Variants in ARAP2 observed in about 807,000 individuals in gnomAD.
ARAP2 encodes the protein arf-GAP with Rho-GAP domain, ANK repeat and PH domain-containing protein 2.
Under a neutral mutation model 194.5 loss-of-function variants are expected in ARAP2, and 148 were observed. That is an observed-to-expected ratio of 0.76 (90% confidence interval 0.67 to 0.87). The LOEUF (loss-of-function observed/expected upper bound fraction) is 0.87, where lower values mean the gene tolerates loss of function less well. ARAP2 is among the 40% of genes least tolerant of loss of function. ARAP2 has a pLI of 0.00. For synonymous variants in ARAP2, 695 were observed against 683.5 expected, an observed-to-expected ratio of 1.02 and a Z score of -0.26; for missense variants, 2,128 against 1,989.7, an observed-to-expected ratio of 1.07 and a Z score of -1.32.
chr4:36,160,085 A>G, intron 13 of ARAP2: 1 of 991,084 alleles, frequency 1.0e-6, no homozygotes, highest in Non-Finnish European at 1.2e-6. Flanking sequence ...AACAATAGGA[A>G]CTGTTAGAAT....
intron 20 of ARAP2, among the ~76,000 whole-genome samples, chr4:36,130,680 A>C (rs896937239): frequency 9.9e-5 from 15 of 151,872 alleles, no homozygotes; most frequent in Non-Finnish European, 1.9e-4. Flanking sequence ...TCTCTTATTC[A>C]TAAATCTGTA....
intron 19 of ARAP2, among the ~76,000 whole-genome samples, chr4:36,143,178 C>T (rs1236532020): frequency 2.6e-5 from 4 of 151,734 alleles, no homozygotes; most frequent in Non-Finnish European, 5.9e-5. Flanking sequence ...GGGTTCATAA[C>T]CTCACATTCT....
intron 12 of ARAP2, among the ~76,000 whole-genome samples, chr4:36,161,146 A>AACACACACACAC (rs36207295): frequency 1.9e-3 from 277 of 147,968 alleles, no homozygotes; most frequent in Non-Finnish European, 3.1e-3. Flanking sequence ...CACACACACA[A>AACACACACACAC]ACACACACAC....
intron 9 of ARAP2, chr4:36,012,449 A>G (rs1702987007): frequency 6.6e-6 from 1 of 152,190 alleles, no homozygotes; most frequent in Admixed American, 6.6e-5. Context: ...TGCTTTATCA[A>G]TATGTATGTA....
chr4:36,028,224 T>C (rs1210312426), intron 5 of ARAP2, among the ~76,000 whole-genome samples: 1 of 152,166 alleles, frequency 6.6e-6, no homozygotes, highest in East Asian at 1.9e-4. Context: ...AGAAAGAAGA[T>C]TTCCTTTTTG....
intron 6 of ARAP2, chr4:36,209,361 C>T (rs950510778): frequency 4.4e-6 from 2 of 451,608 alleles, no homozygotes; most frequent in African/African-American, 4.0e-5. Context: ...AGAAGTGACA[C>T]ACATAGCTGA....
chr4:36,201,050 A>G (rs979760803), intron 6 of ARAP2, among the ~76,000 whole-genome samples: 1 of 152,256 alleles, frequency 6.6e-6, no homozygotes. Context: ...CAATCAATAA[A>G]GAAGTTATTT....
chr4:36,038,801 A>G (rs1355694908), intron 5 of ARAP2, among the ~76,000 whole-genome samples: 1 of 152,200 alleles, frequency 6.6e-6, no homozygotes, highest in Non-Finnish European at 1.5e-5. Flanking sequence ...GAATTTGTTC[A>G]AAGAAATAAA....
At chr4:36,061,954 G>A (rs1724512137), downstream of ARAP2, among the ~76,000 whole-genome samples, 1 of 152,144 alleles carries the variant, frequency 6.6e-6, no homozygotes, top group Non-Finnish European at 1.5e-5. Flanking sequence ...CTTCTTTTAA[G>A]AAGGGTATAT....
chr4:36,077,272 C>T (rs114755313), intron 31 of ARAP2, among the ~76,000 whole-genome samples: 308 of 152,142 alleles, frequency 2.0e-3, no homozygotes, highest in African/African-American at 6.7e-3. Context: ...ACTATGTAAA[C>T]GCCATATCTG....
intron 19 of ARAP2, among the ~76,000 whole-genome samples, chr4:36,136,915 CACAT>C (rs951809277): frequency 3.1e-5 from 3 of 97,630 alleles, no homozygotes; most frequent in Non-Finnish European, 5.8e-5. Flanking sequence ...AATGGACACA[CACAT>C]ACACGCGCGC....
Position 36,228,993 on chromosome 4 carries a change from G to T in ARAP2, c.494C>A (p.Ser165Tyr), listed in dbSNP as rs1028691433. ...TAEEPHLNLG[S>Y]LNDSLFGSDN... ...ACTACCAAATAAAGAATCATTCAAAGAACCCAAATTCAGGTGTGGTTCCTC... is the reference window on the plus strand; with the variant it reads ...ACTACCAAATAAAGAATCATTCAAATAACCCAAATTCAGGTGTGGTTCCTC... Residue 165 changes from serine to tyrosine, a missense_variant, in exon 2 of 33, where the codon TCT becomes TAT. Coordinates refer to ENST00000303965, the MANE Select transcript of ARAP2 (RefSeq NM_015230.4). The T allele has an allele frequency of 4.3e-6, 7 of 1,613,934 alleles. No individual in the cohort carries two copies. Among genetic ancestry groups the T allele is most frequent in the South Asian group, 3.3e-5 (3 of 91,076 alleles).
At chr4:36,125,402 T>C (rs1723646643) in intron 21 of ARAP2, among the ~76,000 whole-genome samples, 1 of 152,060 alleles carries the variant, frequency 6.6e-6, no homozygotes, top group African/African-American at 2.4e-5. Context: ...ATGACATTTC[T>C]GATTTTTATT....
intron 1 of ARAP2, among the ~76,000 whole-genome samples, chr4:36,238,850 T>C (rs905669386): frequency 2.6e-5 from 4 of 152,182 alleles, no homozygotes; most frequent in African/African-American, 9.7e-5. Context: ...ACAATTGATA[T>C]AATGCAACAA....
downstream of ARAP2, among the ~76,000 whole-genome samples, chr4:36,062,423 T>C (rs144183861): frequency 6.3e-3 from 964 of 152,100 alleles, 11 homozygotes; most frequent in African/African-American, 0.022. Flanking sequence ...AGTTATTAGG[T>C]TGGTGTCCTT....
intron 20 of ARAP2, among the ~76,000 whole-genome samples, chr4:36,131,212 C>T (rs936432298): frequency 2.0e-5 from 3 of 151,498 alleles, no homozygotes; most frequent in African/African-American, 7.3e-5. Flanking sequence ...GTTTCCCCAA[C>T]GTTCTGAATA....
chr4:36,098,881 CTTTT>C lies in ARAP2; in HGVS notation c.4286-6865_4286-6862del, dbSNP rs368241535. On this transcript the variant is annotated intron_variant, in intron 27 of 32. Transcript: ENST00000303965. ...ATCATATTTGCTTCATAATTTAACT[CTTTT>C]TTTTATTTATCAACATTTAAGTTCT... Among the ~76,000 whole-genome samples the C allele has an allele frequency of 9.1e-3, 1,378 of 152,056 alleles. 18 individuals are homozygous for C. Among genetic ancestry groups the C allele is most frequent in the African/African-American group, 0.031 (1,297 of 41,500 alleles).
chr4:36,148,554 T>C (rs764348966), intron 16 of ARAP2, 47 bp from the exon 17 acceptor site: 1 of 1,374,426 alleles, frequency 7.3e-7, no homozygotes, highest in Non-Finnish European at 1.0e-6. Flanking sequence ...TATTTAGCTC[T>C]TAAGAAAATG....
intron 2 of ARAP2, among the ~76,000 whole-genome samples, chr4:36,214,946 A>G (rs1274656622): frequency 6.6e-6 from 1 of 152,178 alleles, no homozygotes; most frequent in African/African-American, 2.4e-5. Context: ...CTCTGTAGAC[A>G]CAATATGAAA....
Sources: gnomAD v4.1 joint callset for allele counts (sites outside exome capture counted in the v4.1 genomes callset) on GRCh38, gnomAD v4.1.1 for gene constraint, MANE v1.5 for transcripts, NCBI Gene and HGNC (gene_info 2026-07-23, HGNC 2026-07-21) for gene names.